Variants in LSM8 observed in about 807,000 individuals in gnomAD.
LSM8 encodes LSM8 homolog, U6 small nuclear RNA associated.
A neutral mutation model predicts 15.0 loss-of-function variants in LSM8; 14 were observed. That is an observed-to-expected ratio of 0.93 (90% CI 0.62 to 1.46). The LOEUF (loss-of-function observed/expected upper bound fraction) is 1.46. Among genes scored for constraint, LSM8 ranks in the 40% most tolerant of loss-of-function variants. The pLI, the probability that LSM8 is intolerant of heterozygous loss-of-function variation, is 0.00. For missense variants in LSM8, 90 were observed against 115.4 expected (o/e 0.78, Z 1.01); for synonymous variants, 50 against 42.1 (o/e 1.19, Z -0.73).
rs139038532 is a variant in LSM8 at position 118,188,374 on chromosome 7, C to T, written c.169C>T (p.Leu57=). 4.0e-5 allele frequency: 65 copies of T among 1,612,740 alleles called. No homozygotes were observed. In the African/African-American group the frequency reaches 8.0e-4, roughly 20 times the overall value. ...SSSQGVEQVV[L]GLYIVRGDNV... ...TTCACAGGGGGTAGAACAAGTGGTA[C>T]TAGGATTATACATTGTAAGAGGTGA... Residue 57 remains leucine, a synonymous_variant, in exon 3 of 4, where the codon CTA becomes TTA. Transcript: ENST00000249299.
rs1220950871 is a variant in LSM8 at position 118,192,773 on chromosome 7, A to G, written c.*771A>G. On this transcript the variant is annotated 3_prime_UTR_variant, in exon 4 of 4. Coordinates refer to ENST00000249299, the MANE Select transcript of LSM8 (RefSeq NM_016200.5). ...AATTTTTAAGAATTGGAGAATTTCT[A>G]ATGTTAAAGTTAGTTTATAAATGTG... The G allele has an allele frequency of 6.6e-6, 1 of 152,174 alleles. No homozygotes were observed. The highest frequency in any genetic ancestry group is 1.5e-5 in the Non-Finnish European group (1 of 67,998). The allele number at this position is 152,174 out of a possible 1,614,324, so 9.4% of individuals were successfully genotyped here. A position where few individuals can be genotyped will look rare whatever the true frequency, so the allele number is the denominator to read the frequency against.
chr7:118,188,322 T>C lies in LSM8; in HGVS notation c.117T>C (p.Asp39=). The C allele has an allele frequency of 2.5e-6, 4 of 1,613,500 alleles. No homozygotes were observed. The highest frequency in any genetic ancestry group is 3.4e-6 in the Non-Finnish European group (4 of 1,179,432). Residue 39 remains aspartate (D), a synonymous_variant, in exon 3 of 4, where the codon GAT becomes GAC. Coordinates refer to ENST00000249299, the MANE Select transcript of LSM8 (RefSeq NM_016200.5). The stretch of plus-strand genomic sequence containing the variant: ...ACCAGACCATTAATTTGATTTTGGA[T>C]GAAAGCCATGAACGAGTATTCAGCT... ...GFDQTINLIL[D]ESHERVFSSS... is the part of the protein sequence containing the mutation.
chr7:118,190,347 G>C (rs1808958135), intron 3 of LSM8: 1 of 152,132 alleles, frequency 6.6e-6, no homozygotes, highest in Non-Finnish European at 1.5e-5. Flanking sequence ...CATAGTAATT[G>C]ATTTTAAGGT....
chr7:118,196,700 T>TTTTATTTATTTATTTA lies in LSM8; in HGVS notation c.*4730_*4745dup, dbSNP rs200053888. 1.5e-5 allele frequency among the ~76,000 whole-genome samples: 2 copies of TTTTATTTATTTATTTA among 129,752 alleles called. No homozygotes were observed. Among genetic ancestry groups the TTTTATTTATTTATTTA allele is most frequent in the African/African-American group, 2.8e-5 (1 of 35,242 alleles). 85.1% of individuals were successfully genotyped at this position (129,752 alleles called of 152,430 possible). A position where few individuals can be genotyped will look rare whatever the true frequency, so the allele number is the denominator to read the frequency against. ...TTTCTTTTTTTTTAAGTCCTTTAAT[T>TTTTATTTATTTATTTA]TTTATTTATTTATTTATTTATTTAT... is the stretch of plus-strand genomic sequence containing the variant. On this transcript the variant is annotated 3_prime_UTR_variant, in exon 4 of 4. Coordinates refer to ENST00000249299, the MANE Select transcript of LSM8 (RefSeq NM_016200.5).
Position 118,191,895 on chromosome 7 carries a change from A to G in LSM8, c.201-17A>G. On this transcript the variant is annotated splice_polypyrimidine_tract_variant and intron_variant, in intron 3 of 3. Transcript: ENST00000249299. ...TTTATTTCAGAAATGTGATTGTTTT[A>G]ACTCTGACTTTTTTAGTGCAGTCAT... 5 of 1,576,076 alleles carry G rather than the reference A, an allele frequency of 3.2e-6. No homozygotes were observed. Among genetic ancestry groups the G allele is most frequent in the Non-Finnish European group, 4.4e-6 (5 of 1,148,670 alleles).
Position 118,195,048 on chromosome 7 carries a change from C to A in LSM8, c.*3046C>A, listed in dbSNP as rs1197985906. 6.6e-6 allele frequency among the ~76,000 whole-genome samples: 1 copy of A among 152,106 alleles called. No individual in the cohort carries two copies. Among genetic ancestry groups the A allele is most frequent in the Non-Finnish European group, 1.5e-5 (1 of 68,012 alleles). The stretch of plus-strand genomic sequence containing the variant: ...CTGCTATCAAGCATCTATCAGAAGC[C>A]TGATGAGAAATATTCAGATGATCTA... On this transcript the variant is annotated 3_prime_UTR_variant, in exon 4 of 4. Transcript: ENST00000249299.
rs577432911 is a variant in LSM8, at chr7:118,200,596, T to G, written c.*8594T>G. Among the ~76,000 whole-genome samples the G allele has an allele frequency of 6.6e-6, 1 of 152,262 alleles. No homozygotes were observed. Among genetic ancestry groups the G allele is most frequent in the Admixed American group, 6.6e-5 (1 of 15,266 alleles). ...ACATGGCTAACCATTCAGGACCATT[T>G]AATTATCAAATTATTAATGATTCTT... On this transcript the variant is annotated 3_prime_UTR_variant, in exon 4 of 4. Transcript: ENST00000249299.
At chr7:118,190,997 C>T (rs2286864) in intron 3 of LSM8, 10,443 of 151,686 alleles carry the variant, frequency 0.069, 385 homozygotes, top group East Asian at 0.11. Context: ...CCCAGCTACT[C>T]GGGAGGCTGA....
In LSM8 at chr7:118,196,302, C is replaced by A. The variant is rs1314893168; in HGVS notation, c.*4300C>A. Among the ~76,000 whole-genome samples, 2 of 152,154 alleles carry A rather than the reference C, an allele frequency of 1.3e-5. No homozygotes were observed. Among genetic ancestry groups the A allele is most frequent in the Non-Finnish European group, 2.9e-5 (2 of 68,024 alleles). On this transcript the variant is annotated 3_prime_UTR_variant, in exon 4 of 4. Coordinates refer to ENST00000249299, the MANE Select transcript of LSM8 (RefSeq NM_016200.5). ...GAAGGTCGTGTTATTTCATCAGATT[C>A]TTTCAGTATTCTGGGATATAATTTA... is the stretch of plus-strand genomic sequence containing the variant.
Position 118,185,706 on chromosome 7 carries a change from G to A in LSM8, c.72+12G>A. The A allele has an allele frequency of 6.2e-7, 1 of 1,605,050 alleles. No homozygotes were observed. Among genetic ancestry groups the A allele is most frequent in the Non-Finnish European group, 8.5e-7 (1 of 1,172,878 alleles). On this transcript the variant is annotated intron_variant, in intron 2 of 3. Transcript: ENST00000249299. ...GGAGAATGATTGTGGTAAGTCTTTG[G>A]AATTTTCATTCTCTGCTTTCCTGTA...
intron 1 of LSM8, 114 bp downstream of exon 1, chr7:118,184,368 G>T (rs1159701156): frequency 7.9e-7 from 1 of 1,259,498 alleles, no homozygotes; most frequent in East Asian, 3.1e-5. Flanking sequence ...GGCGGGCGAG[G>T]AGATGAGGGC....
rs771936170 is a variant in LSM8, at chr7:118,195,985, G to A, written c.*3983G>A. Among the ~76,000 whole-genome samples, 18 of 152,172 alleles carry A rather than the reference G, an allele frequency of 1.2e-4. No homozygotes were observed. Among genetic ancestry groups the A allele is most frequent in the Non-Finnish European group, 2.6e-4 (18 of 68,034 alleles). On this transcript the variant is annotated 3_prime_UTR_variant, in exon 4 of 4. Coordinates refer to ENST00000249299, the MANE Select transcript of LSM8 (RefSeq NM_016200.5). ...GGATTATTGATGTGAGATTTGGTCA[G>A]ATGCTTTGATGTGATCTTCATTCCT...
intron 3 of LSM8, chr7:118,190,000 A>G (rs1236390800): frequency 6.6e-6 from 1 of 152,232 alleles, no homozygotes; most frequent in South Asian, 2.1e-4. Context: ...TCAGTTTTCT[A>G]GTGAGTACTA....
rs899961415 is a variant in LSM8 at position 118,188,344 on chromosome 7, A to G, written c.139A>G (p.Ser47Gly). ...GGATGAAAGCCATGAACGAGTATTC[A>G]GCTCTTCACAGGGGGTAGAACAAGT... ...ILDESHERVF[S>G]SSQGVEQVVL... Residue 47 changes from serine (S) to glycine (G), a missense_variant, in exon 3 of 4, where the codon AGC (serine) becomes GGC (glycine). Physicochemically the swap from Ser to Gly is moderately conservative, Grantham distance 56 (BLOSUM62 0). Transcript: ENST00000249299. 4.3e-6 allele frequency: 7 copies of G among 1,613,340 alleles called. No individual in the cohort carries two copies. The highest frequency in any genetic ancestry group is 5.9e-6 in the Non-Finnish European group (7 of 1,179,266).
rs548647600 is a variant in LSM8, at chr7:118,200,565, C to T, written c.*8563C>T. 5.3e-5 allele frequency among the ~76,000 whole-genome samples: 8 copies of T among 152,094 alleles called. No individual in the cohort carries two copies. The South Asian group carries it at 8.3e-4, about 16-fold the overall frequency. On this transcript the variant is annotated 3_prime_UTR_variant, in exon 4 of 4. Coordinates refer to ENST00000249299, the MANE Select transcript of LSM8 (RefSeq NM_016200.5). The stretch of plus-strand genomic sequence containing the variant: ...TATGTTTATACTATTTATTTAAATG[C>T]GGAGAACATGGCTAACCATTCAGGA...
rs534807763 is a variant in LSM8, at chr7:118,184,343, C to T, written c.31+89C>T. ...GGTGGGAGGTTGGGAGGCCTGGCCT[C>T]GGCGGGATCCTGGGGGCGGGCGAGG... On this transcript the variant is annotated intron_variant, in intron 1 of 3. Coordinates refer to ENST00000249299, the MANE Select transcript of LSM8 (RefSeq NM_016200.5). 12 of 1,355,800 alleles carry T rather than the reference C, an allele frequency of 8.9e-6. No homozygotes were observed. The African/African-American group carries it at 1.8e-4, about 21-fold the overall frequency. 84.0% of individuals were successfully genotyped at this position (1,355,800 alleles called of 1,614,324 possible).
At position 118,202,709 on chromosome 7, in the gene LSM8, G is replaced by C. The variant is rs78028610; in HGVS notation, c.*10707G>C. 1.5e-3 allele frequency among the ~76,000 whole-genome samples: 222 copies of C among 150,148 alleles called. No individual in the cohort carries two copies. Among genetic ancestry groups the C allele is most frequent in the African/African-American group, 5.1e-3 (210 of 40,778 alleles). On this transcript the variant is annotated 3_prime_UTR_variant, in exon 4 of 4. Transcript: ENST00000249299. ...CATTTTGCCACTCCAAATAAAAAAA[G>C]GGTTGCTGTTAGGAAAAAGAGAAGA...
In LSM8 at chr7:118,195,379, A is replaced by G. The variant is rs919525943; in HGVS notation, c.*3377A>G. 3.3e-5 allele frequency among the ~76,000 whole-genome samples: 5 copies of G among 152,174 alleles called. No homozygotes were observed. The highest frequency in any genetic ancestry group is 4.8e-5 in the African/African-American group (2 of 41,456). On this transcript the variant is annotated 3_prime_UTR_variant, in exon 4 of 4. Transcript: ENST00000249299. ...GACTGCATTTTAAACATTTGGTATG[A>G]TTTTGAGGACATAACCGTAAACAGC...
Position 118,193,907 on chromosome 7 carries a change from C to A in LSM8, c.*1905C>A, listed in dbSNP as rs1035146419. Among the ~76,000 whole-genome samples, 1 of 152,064 alleles carries A rather than the reference C, an allele frequency of 6.6e-6. No individual in the cohort carries two copies. Among genetic ancestry groups the A allele is most frequent in the Non-Finnish European group, 1.5e-5 (1 of 67,944 alleles). ...TTCTAATGTGATGTATTCTTGCAAT[C>A]TGAAACACCTTATAAAGCTGTATTT... On this transcript the variant is annotated 3_prime_UTR_variant, in exon 4 of 4. Transcript: ENST00000249299.
Sources: gnomAD v4.1 joint callset for allele counts (sites outside exome capture counted in the v4.1 genomes callset) on GRCh38, gnomAD v4.1.1 for gene constraint, MANE v1.5 for transcripts, NCBI Gene and HGNC (gene_info 2026-07-23, HGNC 2026-07-21) for gene names.